The following SAMD5 variants were observed in gnomAD, a reference collection of about 807,000 sequenced individuals.
The protein encoded by SAMD5 is sterile alpha motif domain containing 5.
Under a neutral mutation model 11.3 loss-of-function variants are expected in SAMD5, and 13 were observed. The ratio of observed to expected loss-of-function variants is 1.15; its 90% CI spans 0.75 to 1.83. SAMD5 has a LOEUF of 1.83. SAMD5 is among the 40% of genes most tolerant of loss of function. The pLI, the probability that SAMD5 is intolerant of heterozygous loss-of-function variation, is 0.00. For missense variants in SAMD5, 255 were observed against 239.1 expected (o/e 1.07, Z -0.44); for synonymous variants, 129 against 111.3 (o/e 1.16, Z -1.00).
chr6:147,578,241 A>G (rs755597309), intron 1 of SAMD5, among the ~76,000 whole-genome samples: 5 of 152,188 alleles, frequency 3.3e-5, no homozygotes, highest in Non-Finnish European at 7.4e-5. Context: ...CTTAAAAGTT[A>G]TTTTGATACC....
intron 1 of SAMD5, among the ~76,000 whole-genome samples, chr6:147,671,918 A>T (rs9390491): frequency 2.4e-4 from 28 of 115,870 alleles, no homozygotes; most frequent in African/African-American, 5.0e-4. Context: ...TTTTTAGCTC[A>T]TCTTGCACAT....
At chr6:147,951,366 G>C in the SAMD5 span, among the ~76,000 whole-genome samples, 195 of 152,058 alleles carry the variant, frequency 1.3e-3, 1 homozygote, top group African/African-American at 4.6e-3. Context: ...ATTTTTAGTA[G>C]AGACTGGGTT....
At chr6:147,798,099 C>A in the SAMD5 span, among the ~76,000 whole-genome samples, 1 of 145,866 alleles carries the variant, frequency 6.9e-6, no homozygotes, top group Admixed American at 6.8e-5. Flanking sequence ...TTATTTCTTG[C>A]CTTCTGCTAG....
intron 1 of SAMD5, among the ~76,000 whole-genome samples, chr6:147,623,666 T>C (rs191815134): frequency 6.6e-6 from 1 of 152,316 alleles, no homozygotes; most frequent in East Asian, 1.9e-4. Flanking sequence ...AAAAATAAGT[T>C]TTTGCTCATC....
chr6:147,942,317 G>C, the SAMD5 span, among the ~76,000 whole-genome samples: 22 of 152,250 alleles, frequency 1.4e-4, no homozygotes, highest in African/African-American at 5.3e-4. Flanking sequence ...TCAGATTTGC[G>C]GAGAATTAGC....
At chr6:147,954,513 A>G in the SAMD5 span, among the ~76,000 whole-genome samples, 2 of 152,176 alleles carry the variant, frequency 1.3e-5, no homozygotes, top group Non-Finnish European at 2.9e-5. Flanking sequence ...TTTAAAACCT[A>G]TGGGAGTGTA....
intron 1 of SAMD5, among the ~76,000 whole-genome samples, chr6:147,553,701 G>GA (rs1788809045): frequency 1.3e-5 from 2 of 152,262 alleles, no homozygotes; most frequent in African/African-American, 4.8e-5. Flanking sequence ...TCCTGCTTTA[G>GA]GTAACACATT....
intron 1 of SAMD5, among the ~76,000 whole-genome samples, chr6:147,613,526 A>G (rs9497819): frequency 0.25 from 37,640 of 151,526 alleles, 7,726 homozygotes; most frequent in African/African-American, 0.56. Flanking sequence ...TATCCTGAAC[A>G]ATGACCACCA....
chr6:147,702,209 A>G (rs575380226), intron 1 of SAMD5, among the ~76,000 whole-genome samples: 72 of 152,328 alleles, frequency 4.7e-4, no homozygotes, highest in African/African-American at 1.7e-3. Flanking sequence ...CACTGTCATA[A>G]GAACAGCATG....
chr6:147,816,302 A>AAAAAAAAAAAAAAAAATC, the SAMD5 span, among the ~76,000 whole-genome samples: 10 of 43,222 alleles, frequency 2.3e-4, 1 homozygote, highest in African/African-American at 1.2e-3. Flanking sequence ...AAAAAAAAAA[A>AAAAAAAAAAAAAAAAATC]TATATATATA....
chr6:147,793,884 C>A, the SAMD5 span, among the ~76,000 whole-genome samples: 1 of 152,062 alleles, frequency 6.6e-6, no homozygotes, highest in African/African-American at 2.4e-5. Context: ...ATTATGTTGG[C>A]TATTCTAATC....
chr6:147,518,833 A>G (rs776835276), intron 1 of SAMD5, among the ~76,000 whole-genome samples: 1 of 152,240 alleles, frequency 6.6e-6, no homozygotes, highest in Non-Finnish European at 1.5e-5. Context: ...GCTGTTTCAG[A>G]TCAGCCACTG....
chr6:147,847,175 C>G, the SAMD5 span, among the ~76,000 whole-genome samples: 2 of 152,110 alleles, frequency 1.3e-5, no homozygotes, highest in African/African-American at 4.8e-5. Context: ...TCCTTCCTTC[C>G]TCCCTTCCTT....
chr6:147,642,916 G>T (rs1790335487), intron 1 of SAMD5, among the ~76,000 whole-genome samples: 1 of 152,156 alleles, frequency 6.6e-6, no homozygotes, highest in Non-Finnish European at 1.5e-5. Context: ...CATCTGCACT[G>T]TTGTCACCCC....
intron 1 of SAMD5, among the ~76,000 whole-genome samples, chr6:147,628,639 T>C (rs1790093824): frequency 6.6e-6 from 1 of 151,764 alleles, no homozygotes. Context: ...CAACAATCCG[T>C]TGAACAGAAA....
At chr6:147,720,306 A>T (rs1203429005) in intron 1 of SAMD5, among the ~76,000 whole-genome samples, 1 of 152,162 alleles carries the variant, frequency 6.6e-6, no homozygotes, top group Non-Finnish European at 1.5e-5. Flanking sequence ...CTGAAAAAAT[A>T]CAAAAAATTA....
intron 1 of SAMD5, among the ~76,000 whole-genome samples, chr6:147,641,120 G>A (rs1790306150): frequency 6.6e-6 from 1 of 152,198 alleles, no homozygotes; most frequent in Non-Finnish European, 1.5e-5. Flanking sequence ...TGGGACACAG[G>A]ATCTCAGAAG....
chr6:147,696,665 T>A (rs1374219852), intron 1 of SAMD5, among the ~76,000 whole-genome samples: 1 of 152,200 alleles, frequency 6.6e-6, no homozygotes, highest in African/African-American at 2.4e-5. Context: ...TTTCCTAAGC[T>A]GTGTTGGATA....
At chr6:147,929,225 G>A in the SAMD5 span, among the ~76,000 whole-genome samples, 1 of 152,086 alleles carries the variant, frequency 6.6e-6, no homozygotes, top group Non-Finnish European at 1.5e-5. Flanking sequence ...ACCTAAACTG[G>A]TGTCAAAGTC....
Sources: gnomAD v4.1 joint callset for allele counts (sites outside exome capture counted in the v4.1 genomes callset) on GRCh38, gnomAD v4.1.1 for gene constraint, MANE v1.5 for transcripts, NCBI Gene and HGNC (gene_info 2026-07-23, HGNC 2026-07-21) for gene names.